OASL: variants seen among roughly 807,000 people sequenced by gnomAD.
OASL encodes the protein 2'-5'-oligoadenylate synthetase like.
A neutral mutation model predicts 35.3 loss-of-function variants in OASL; 28 were observed. The ratio of observed to expected loss-of-function variants is 0.79; its 90% CI spans 0.59 to 1.09. The LOEUF (loss-of-function observed/expected upper bound fraction) is 1.09. Ranked by LOEUF, OASL falls within the 50% of genes least tolerant of loss-of-function variation. The probability of loss-of-function intolerance (pLI) is 0.00; values close to 1 mark genes in which losing one functional copy is unlikely to be tolerated. For missense variants in OASL, 620 were observed against 635.2 expected, an observed-to-expected ratio of 0.98 and a Z score of 0.26; for synonymous variants, 252 against 254.6, an observed-to-expected ratio of 0.99 and a Z score of 0.10.
chr12:121,018,829 C>G (rs1869128094), downstream of OASL, among the ~76,000 whole-genome samples: 1 of 127,120 alleles, frequency 7.9e-6, no homozygotes, highest in African/African-American at 3.0e-5. Flanking sequence ...GAGATCATGC[C>G]AATGCACTCT....
exon 5 of OASL, chr12:121,024,018 T>A: frequency 6.2e-7 from 1 of 1,614,202 alleles, no homozygotes; most frequent in African/African-American, 1.3e-5. Context: ...GATGGGGTTC[T>A]CCCTGTTGTC....
Position 121,033,382 on chromosome 12 carries a change from C to T in OASL, c.481+79G>A, listed in dbSNP as rs1869819451. On this transcript the variant is annotated intron_variant, in intron 2 of 5. Transcript: ENST00000257570. ...AATAAATGTGGGTGTGTGCACGTGG[C>T]CATGAGTAAAGGTGAGACACTGGGA... 2.1e-6 allele frequency: 3 copies of T among 1,441,642 alleles called. No individual in the cohort carries two copies. In the African/African-American group the frequency reaches 4.2e-5, roughly 20 times the overall value. The allele number at this position is 1,441,642 out of a possible 1,614,324, so 89.3% of individuals were successfully genotyped here.
At chr12:121,037,624 T>G (rs1870005275) in intron 1 of OASL, among the ~76,000 whole-genome samples, 1 of 150,678 alleles carries the variant, frequency 6.6e-6, no homozygotes, top group Admixed American at 6.6e-5. Flanking sequence ...ATACAAAAAA[T>G]TAGCCGGGCG....
chr12:121,038,587 T>C (rs1034144363), intron 1 of OASL, among the ~76,000 whole-genome samples, 187 bp downstream of exon 1: 18 of 152,242 alleles, frequency 1.2e-4, no homozygotes, highest in African/African-American at 4.3e-4. Context: ...TGAGCTATTA[T>C]TACTAGACTC....
chr12:121,032,453 G>A (rs10849829), intron 2 of OASL, among the ~76,000 whole-genome samples: 66,498 of 151,856 alleles, frequency 0.44, 15,411 homozygotes, highest in East Asian at 0.74. Flanking sequence ...AACAACAGGG[G>A]CCAGTGAGTT....
intron 2 of OASL, 57 bp downstream of exon 2, chr12:121,033,404 G>A: frequency 6.4e-7 from 1 of 1,558,744 alleles, no homozygotes; most frequent in Non-Finnish European, 8.8e-7. Context: ...GTGAGACACT[G>A]GGAAGTCTCC....
At chr12:121,028,308 C>T (rs1869576829) in intron 3 of OASL, among the ~76,000 whole-genome samples, 1 of 152,160 alleles carries the variant, frequency 6.6e-6, no homozygotes, top group South Asian at 2.1e-4. Flanking sequence ...TTGACCCCCA[C>T]CCGCAGCTCC....
At chr12:121,028,366 C>T (rs925927334) in intron 3 of OASL, among the ~76,000 whole-genome samples, 5 of 152,306 alleles carry the variant, frequency 3.3e-5, no homozygotes, top group South Asian at 2.1e-4. Flanking sequence ...ACCTTTCCCC[C>T]TTGCAAGTGA....
chr12:121,031,658 G>T (rs781506392), intron 2 of OASL, 41 bp from the exon 3 acceptor site: 1 of 1,576,528 alleles, frequency 6.3e-7, no homozygotes, highest in Non-Finnish European at 8.7e-7. Flanking sequence ...GGGGATTGAG[G>T]AAGCCAGAGG....
intron 1 of OASL, among the ~76,000 whole-genome samples, chr12:121,035,818 G>C (rs1288480968): frequency 2.6e-5 from 4 of 152,142 alleles, no homozygotes; most frequent in Non-Finnish European, 4.4e-5. Flanking sequence ...ATGGCACCCT[G>C]TGTGTGAATG....
At chr12:121,037,770 C>CA (rs35053672) in intron 1 of OASL, among the ~76,000 whole-genome samples, 5,276 of 133,638 alleles carry the variant, frequency 0.039, 327 homozygotes, top group African/African-American at 0.14. Flanking sequence ...GACTCTGTCT[C>CA]AAAAAAAAAA....
In OASL at chr12:121,031,483, GC is replaced by G. The variant is rs1362767203; in HGVS notation, c.615del (p.Lys205AsnfsTer2). 3.1e-6 allele frequency: 5 copies of G among 1,613,834 alleles called. No homozygotes were observed. In the Admixed American group the frequency reaches 8.3e-5, roughly 27 times the overall value. On this transcript the variant is annotated frameshift_variant, in exon 3 of 6. Coordinates refer to ENST00000257570, the Ensembl canonical transcript of OASL. LOFTEE classifies it high-confidence loss of function. ...TTCACCAGGCGCAGGAGGCTCTTCAGCTTAGTTGGCCGATGTTTCACGAAAT... is the reference window on the plus strand; with the variant it reads ...TTCACCAGGCGCAGGAGGCTCTTCAGTTAGTTGGCCGATGTTTCACGAAAT...
intron 4 of OASL, among the ~76,000 whole-genome samples, chr12:121,027,062 C>T (rs1483723520): frequency 2.0e-5 from 3 of 152,046 alleles, no homozygotes; most frequent in African/African-American, 7.2e-5. Flanking sequence ...ATGAATGGGA[C>T]GCTGACAGCA....
chr12:121,023,994 A>G (rs764498995), exon 5 of OASL: 1 of 1,614,048 alleles, frequency 6.2e-7, no homozygotes, highest in Non-Finnish European at 8.5e-7. Context: ...CATTACCTTC[A>G]CGTTCCAGCT....
intron 1 of OASL, 69 bp downstream of exon 1, chr12:121,038,705 C>T (rs752452933): frequency 5.1e-5 from 77 of 1,511,770 alleles, no homozygotes; most frequent in Non-Finnish European, 6.6e-5. Flanking sequence ...GGGTCCCCAG[C>T]ATCCCCAGGG....
At chr12:121,027,642 G>A (rs770332033) in exon 4 of OASL, 3 of 1,614,024 alleles carry the variant, frequency 1.9e-6, no homozygotes, top group South Asian at 1.1e-5. Flanking sequence ...GTAGTACTTG[G>A]TCCAGTAGAT....
intron 1 of OASL, among the ~76,000 whole-genome samples, chr12:121,038,078 C>A (rs1428772415): frequency 2.7e-5 from 4 of 147,204 alleles, no homozygotes; most frequent in Non-Finnish European, 4.6e-5. Context: ...CAGAGCGAGA[C>A]CCTGTCTCTA....
At chr12:121,031,118 C>T (rs1208773879) in intron 3 of OASL, among the ~76,000 whole-genome samples, 1 of 151,456 alleles carries the variant, frequency 6.6e-6, no homozygotes, top group Non-Finnish European at 1.5e-5. Context: ...TGCACCACCG[C>T]ACTACAGCCT....
At chr12:121,027,843 G>T in intron 3 of OASL, 26 bp from the exon 4 acceptor site, 1 of 1,590,072 alleles carries the variant, frequency 6.3e-7, no homozygotes, top group Non-Finnish European at 8.6e-7. Flanking sequence ...GGAAGACAGA[G>T]AGAGAGAGAC....
Sources: allele counts gnomAD v4.1 joint callset (sites outside exome capture counted in the v4.1 genomes callset), GRCh38; gene constraint gnomAD v4.1.1; transcripts MANE v1.5; gene names NCBI Gene and HGNC (gene_info 2026-07-23, HGNC 2026-07-21).